The following FBXL17 variants were observed in gnomAD, a reference collection of about 807,000 sequenced individuals.
The protein encoded by FBXL17 is F-box and leucine rich repeat protein 17, also known as F-box/LRR-repeat protein 17.
In FBXL17, 22 loss-of-function variants were observed where a neutral mutation model predicts 66.2. The ratio of observed to expected loss-of-function variants is 0.33; its 90% CI spans 0.24 to 0.47. FBXL17 has a LOEUF of 0.47. FBXL17 is among the 20% of genes least tolerant of loss of function. FBXL17 has a pLI of 1.00. For missense variants in FBXL17, 878 were observed against 948.2 expected, an observed-to-expected ratio of 0.93 and a Z score of 0.97; for synonymous variants, 474 against 400.5, an observed-to-expected ratio of 1.18 and a Z score of -2.19.
chr5:108,145,031 G>GA (rs1259961492), intron 6 of FBXL17, among the ~76,000 whole-genome samples: 1 of 151,998 alleles, frequency 6.6e-6, no homozygotes, highest in Non-Finnish European at 1.5e-5. Flanking sequence ...CTAGAACCAA[G>GA]AAAAAATGGC....
At chr5:108,369,684 A>C (rs1343645313) in intron 1 of FBXL17, among the ~76,000 whole-genome samples, 4 of 151,886 alleles carry the variant, frequency 2.6e-5, no homozygotes, top group Non-Finnish European at 5.9e-5. Context: ...TCATAAAAAG[A>C]TGGTTAGGGT....
Position 108,368,209 on chromosome 5 carries a change from T to C in FBXL17, c.994-256A>G, listed in dbSNP as rs1748797838. ...GCATGTACTGACACGTGTTCATGCA[T>C]ATCTTTGTGTTTGCTTATATTTAAA... On this transcript the variant is annotated intron_variant, in intron 1 of 8. Transcript: ENST00000542267. Among the ~76,000 whole-genome samples the C allele has an allele frequency of 3.3e-5, 5 of 151,784 alleles. 1 individual carries two copies. The highest frequency in any genetic ancestry group is 2.6e-4 in the Admixed American group (4 of 15,196).
chr5:108,107,332 A>T (rs1749840974), intron 6 of FBXL17, among the ~76,000 whole-genome samples: 1 of 152,208 alleles, frequency 6.6e-6, no homozygotes, highest in South Asian at 2.1e-4. Context: ...TTGGCTTCCC[A>T]AAGTGAAAAC....
At chr5:108,022,458 G>T (rs931888083) in intron 6 of FBXL17, among the ~76,000 whole-genome samples, 1 of 151,274 alleles carries the variant, frequency 6.6e-6, no homozygotes, top group African/African-American at 2.4e-5. Context: ...ACAAATAAAG[G>T]CCCTAGACTA....
chr5:108,308,258 AT>A (rs1758948979), intron 4 of FBXL17, among the ~76,000 whole-genome samples: 1 of 152,132 alleles, frequency 6.6e-6, no homozygotes, highest in South Asian at 2.1e-4. Context: ...AGAAATAACA[AT>A]AACAAGTAAT....
intron 6 of FBXL17, among the ~76,000 whole-genome samples, chr5:108,064,896 T>C (rs1363420027): frequency 6.6e-6 from 1 of 152,098 alleles, no homozygotes; most frequent in Admixed American, 6.5e-5. Context: ...CAGCAGAGGA[T>C]CTCATCTGGG....
At chr5:107,980,664 A>ATATATATATATTTTT in intron 7 of FBXL17, among the ~76,000 whole-genome samples, 4 of 62,078 alleles carry the variant, frequency 6.4e-5, no homozygotes, top group South Asian at 6.1e-4. Context: ...ATATATATAT[A>ATATATATATATTTTT]TTTTTTTTTT....
At chr5:108,309,385 A>G (rs1472332721) in intron 4 of FBXL17, among the ~76,000 whole-genome samples, 2 of 152,026 alleles carry the variant, frequency 1.3e-5, no homozygotes, top group African/African-American at 2.4e-5. Context: ...TTAAAAACAC[A>G]TTACTGTACT....
intron 4 of FBXL17, among the ~76,000 whole-genome samples, chr5:108,343,238 A>G (rs1747007029): frequency 6.6e-6 from 1 of 152,222 alleles, no homozygotes. Context: ...AAAGACAACA[A>G]TAAGATGATG....
intron 7 of FBXL17, among the ~76,000 whole-genome samples, chr5:107,987,486 T>C (rs560174273): frequency 2.8e-4 from 43 of 152,198 alleles, no homozygotes; most frequent in African/African-American, 9.9e-4. Context: ...TATAAGTTCA[T>C]GTGTGCACTC....
At chr5:108,273,278 A>G (rs925864940) in intron 4 of FBXL17, among the ~76,000 whole-genome samples, 3 of 152,126 alleles carry the variant, frequency 2.0e-5, no homozygotes, top group African/African-American at 7.2e-5. Flanking sequence ...AGCATGGCAC[A>G]TGTATACATA....
chr5:107,980,563 T>C (rs1752768169), intron 7 of FBXL17, among the ~76,000 whole-genome samples: 1 of 147,006 alleles, frequency 6.8e-6, no homozygotes, highest in Non-Finnish European at 1.5e-5. Context: ...CTTGAACTCC[T>C]GGGCTCAAGT....
At chr5:108,016,527 T>G (rs1010350263) in intron 7 of FBXL17, among the ~76,000 whole-genome samples, 1 of 152,184 alleles carries the variant, frequency 6.6e-6, no homozygotes, top group Non-Finnish European at 1.5e-5. Context: ...GAAAGAAACC[T>G]GGGTCATTTT....
intron 6 of FBXL17, among the ~76,000 whole-genome samples, chr5:108,128,264 T>A (rs1750798469): frequency 6.6e-6 from 1 of 150,406 alleles, no homozygotes; most frequent in South Asian, 2.1e-4. Flanking sequence ...AAAAAAAGAA[T>A]TTGTCTTTAA....
At chr5:108,293,310 G>C (rs908823537) in intron 4 of FBXL17, among the ~76,000 whole-genome samples, 4 of 152,008 alleles carry the variant, frequency 2.6e-5, no homozygotes, top group Non-Finnish European at 5.9e-5. Context: ...ACTAATTTTA[G>C]TGGCCTATTC....
rs552205195 is a variant in FBXL17 at position 108,266,430 on chromosome 5, T to A, written c.1507-42202A>T. ...ATAAATCATTCCTTTGTCCAGCATA[T>A]CCACAAATGTCGACACTACACACCC... On this transcript the variant is annotated intron_variant, in intron 4 of 8. Coordinates refer to ENST00000542267, the MANE Select transcript of FBXL17 (RefSeq NM_001163315.3). Among the ~76,000 whole-genome samples, 57 of 152,262 alleles carry A rather than the reference T, an allele frequency of 3.7e-4. 1 individual carries two copies. The highest frequency in any genetic ancestry group is 1.3e-3 in the African/African-American group (55 of 41,560).
At chr5:108,159,869 T>C (rs568782080) in intron 6 of FBXL17, among the ~76,000 whole-genome samples, 3 of 152,264 alleles carry the variant, frequency 2.0e-5, no homozygotes, top group Non-Finnish European at 4.4e-5. Context: ...CATGAAGATA[T>C]AAAAGCAGAA....
chr5:108,149,558 A>G (rs953945749), intron 6 of FBXL17, among the ~76,000 whole-genome samples: 1 of 152,046 alleles, frequency 6.6e-6, no homozygotes, highest in African/African-American at 2.4e-5. Flanking sequence ...TATTTTAACT[A>G]CCCTTGACAC....
At position 108,178,097 on chromosome 5, in the gene FBXL17, C is replaced by T. The variant is rs1485302842; in HGVS notation, c.1745+8020G>A. On this transcript the variant is annotated intron_variant, in intron 6 of 8. Transcript: ENST00000542267. ...CTGGAGAGCAGTGGCACGATCACAGCTCACTGCAATCTCTGCCTCCCAGTC... is the reference window on the plus strand; with the variant it reads ...CTGGAGAGCAGTGGCACGATCACAGTTCACTGCAATCTCTGCCTCCCAGTC... 7.2e-5 allele frequency among the ~76,000 whole-genome samples: 11 copies of T among 152,040 alleles called. No homozygotes were observed. The South Asian group carries it at 2.1e-3, about 29-fold the overall frequency.
Sources: allele counts gnomAD v4.1 joint callset (sites outside exome capture counted in the v4.1 genomes callset), GRCh38; gene constraint gnomAD v4.1.1; transcripts MANE v1.5; gene names NCBI Gene and HGNC (gene_info 2026-07-23, HGNC 2026-07-21).